NLGN1: variants seen among roughly 807,000 people sequenced by gnomAD.
NLGN1 encodes the protein neuroligin 1.
Under a neutral mutation model 65.5 loss-of-function variants are expected in NLGN1, and 12 were observed. The ratio of observed to expected loss-of-function variants is 0.18; its 90% CI spans 0.12 to 0.30. The LOEUF is 0.30. Among genes scored for constraint, NLGN1 ranks in the 10% least tolerant of loss-of-function variants. NLGN1 has a pLI of 1.00. For missense variants in NLGN1, 750 were observed against 1,007.1 expected, an observed-to-expected ratio of 0.74 and a Z score of 3.46; for synonymous variants, 350 against 359.5, an observed-to-expected ratio of 0.97 and a Z score of 0.30.
intron 4 of NLGN1, among the ~76,000 whole-genome samples, chr3:173,861,230 T>TGA (rs1017394948): frequency 6.6e-6 from 1 of 151,986 alleles, no homozygotes; most frequent in Non-Finnish European, 1.5e-5. Flanking sequence ...AGAAAATAGA[T>TGA]GAGAGTTTGA....
chr3:173,992,953 C>T (rs1022036597), intron 4 of NLGN1, among the ~76,000 whole-genome samples: 3 of 152,040 alleles, frequency 2.0e-5, no homozygotes, highest in Non-Finnish European at 2.9e-5. Context: ...ATGTGGGTTA[C>T]GAATCTGAAG....
chr3:173,964,675 G>A (rs543384655), intron 4 of NLGN1, among the ~76,000 whole-genome samples: 1 of 152,220 alleles, frequency 6.6e-6, no homozygotes, highest in East Asian at 1.9e-4. Context: ...ATGTAATTTT[G>A]ACTTCTAATT....
chr3:174,276,216 C>T lies in NLGN1; in HGVS notation c.859+689C>T, dbSNP rs142299833. ...GCTGAAATCCATGAAATATTTTTCT[C>T]GTTTCCATTTTCTGGCTTTGACATA... is the stretch of plus-strand genomic sequence containing the variant. On this transcript the variant is annotated intron_variant, in intron 5 of 6. Transcript: ENST00000457714. Among the ~76,000 whole-genome samples, 1,098 of 151,904 alleles carry T rather than the reference C, an allele frequency of 7.2e-3. 9 individuals are homozygous for T. The highest frequency in any genetic ancestry group is 0.024 in the African/African-American group (984 of 41,486).
chr3:174,024,615 A>T (rs566142812), intron 4 of NLGN1, among the ~76,000 whole-genome samples: 1 of 152,196 alleles, frequency 6.6e-6, no homozygotes, highest in Non-Finnish European at 1.5e-5. Flanking sequence ...AAAGAATAAC[A>T]TAAAATAAAT....
chr3:173,410,375 C>G (rs193297943), intron 1 of NLGN1, among the ~76,000 whole-genome samples: 132 of 152,322 alleles, frequency 8.7e-4, no homozygotes, highest in Non-Finnish European at 7.6e-4. Flanking sequence ...TTCCTAAGCA[C>G]TGGGTGGGAC....
rs537345226 is a variant in NLGN1, at chr3:173,701,073, T to C, written c.493+95982T>C. Among the ~76,000 whole-genome samples, 9 of 152,132 alleles carry C rather than the reference T, an allele frequency of 5.9e-5. No homozygotes were observed. In the South Asian group the frequency reaches 1.9e-3, roughly 32 times the overall value. ...CCAGGAGGTGGAGCTTGCAGTAAGC[T>C]GAGATCTCGCCACCCACTGCACTCC... On this transcript the variant is annotated intron_variant, in intron 3 of 6. Coordinates refer to ENST00000457714, the Ensembl canonical transcript of NLGN1.
intron 4 of NLGN1, among the ~76,000 whole-genome samples, chr3:174,044,008 C>T (rs948649941): frequency 3.3e-5 from 5 of 152,206 alleles, no homozygotes; most frequent in Admixed American, 6.5e-5. Flanking sequence ...CTTCTGCACA[C>T]CTGCAAACTT....
intron 4 of NLGN1, among the ~76,000 whole-genome samples, chr3:173,811,992 C>T (rs933263584): frequency 2.6e-5 from 4 of 152,064 alleles, no homozygotes; most frequent in African/African-American, 4.8e-5. Flanking sequence ...TAATCAGTTA[C>T]CTTTATCTTG....
chr3:174,158,828 C>T (rs1391836350), intron 4 of NLGN1, among the ~76,000 whole-genome samples: 2 of 149,376 alleles, frequency 1.3e-5, no homozygotes, highest in Admixed American at 1.3e-4. Flanking sequence ...TTCATCATGT[C>T]CTGGCTCCTG....
At chr3:173,754,636 A>G (rs1044185759) in intron 3 of NLGN1, among the ~76,000 whole-genome samples, 6 of 152,136 alleles carry the variant, frequency 3.9e-5, no homozygotes, top group Non-Finnish European at 7.4e-5. Flanking sequence ...TATTTGATGA[A>G]TGAATGAATA....
At chr3:174,023,660 G>A (rs1034394096) in intron 4 of NLGN1, among the ~76,000 whole-genome samples, 1 of 152,120 alleles carries the variant, frequency 6.6e-6, no homozygotes, top group Non-Finnish European at 1.5e-5. Context: ...CTGTGTTGCT[G>A]CAGTCTTTGA....
intron 2 of NLGN1, among the ~76,000 whole-genome samples, chr3:173,603,230 G>C (rs543630182): frequency 1.2e-3 from 185 of 152,198 alleles, no homozygotes; most frequent in Admixed American, 2.0e-3. Context: ...GCTTGAACAA[G>C]AAAAGACACA....
At chr3:173,418,972 T>G (rs894775785) in intron 1 of NLGN1, among the ~76,000 whole-genome samples, 20 of 98,990 alleles carry the variant, frequency 2.0e-4, no homozygotes, top group Middle Eastern at 0.014. Flanking sequence ...AATATGATGA[T>G]TTTTTTTTTT....
intron 3 of NLGN1, among the ~76,000 whole-genome samples, chr3:173,660,695 A>G (rs1275415446): frequency 2.0e-5 from 3 of 151,954 alleles, no homozygotes; most frequent in Non-Finnish European, 4.4e-5. Context: ...CTTCTTATCT[A>G]AACACTGTTA....
chr3:173,779,732 G>A (rs1385453188), intron 3 of NLGN1, among the ~76,000 whole-genome samples: 1 of 152,090 alleles, frequency 6.6e-6, no homozygotes, highest in African/African-American at 2.4e-5. Flanking sequence ...AAATCAAACT[G>A]TGTTTCAGAT....
At chr3:173,495,133 G>A (rs1729789607) in intron 2 of NLGN1, among the ~76,000 whole-genome samples, 1 of 151,800 alleles carries the variant, frequency 6.6e-6, no homozygotes, top group Middle Eastern at 3.5e-3. Flanking sequence ...CAGTTCAGGA[G>A]TATAACTATC....
intron 3 of NLGN1, among the ~76,000 whole-genome samples, chr3:173,705,689 A>T (rs977222817): frequency 3.9e-5 from 6 of 152,166 alleles, no homozygotes; most frequent in African/African-American, 1.4e-4. Context: ...CTTTTTTGTC[A>T]TAAAAATGAA....
chr3:173,592,267 T>C (rs1412387513), intron 2 of NLGN1, among the ~76,000 whole-genome samples: 1 of 152,136 alleles, frequency 6.6e-6, no homozygotes, highest in Non-Finnish European at 1.5e-5. Flanking sequence ...TTTTCAGCCC[T>C]CCTCTTCAGA....
intron 2 of NLGN1, among the ~76,000 whole-genome samples, chr3:173,588,958 G>A (rs1031317746): frequency 1.2e-4 from 19 of 152,154 alleles, no homozygotes; most frequent in African/African-American, 3.4e-4. Flanking sequence ...ATTAGGGACC[G>A]CTAAAGGAAG....
Sources: gnomAD v4.1 joint callset for allele counts (sites outside exome capture counted in the v4.1 genomes callset) on GRCh38, gnomAD v4.1.1 for gene constraint, MANE v1.5 for transcripts, NCBI Gene and HGNC (gene_info 2026-07-23, HGNC 2026-07-21) for gene names.